MYO5B: variants seen among roughly 807,000 people sequenced by gnomAD.
MYO5B encodes the protein unconventional myosin-Vb.
MYO5B carries 143 observed loss-of-function variants against 229.3 expected under a neutral mutation model. The ratio of observed to expected loss-of-function variants is 0.62; its 90% CI spans 0.54 to 0.72. The LOEUF is 0.72. Ranked by LOEUF, MYO5B falls within the 30% of genes least tolerant of loss-of-function variation. The probability of loss-of-function intolerance (pLI) is 0.00; values close to 1 mark genes in which losing one functional copy is unlikely to be tolerated. For synonymous variants in MYO5B, 918 were observed against 885.2 expected (o/e 1.04, Z -0.66); for missense variants, 2,321 against 2,331.0 (o/e 1.00, Z 0.09).
At chr18:50,003,100 G>A (rs1023506308) in intron 4 of MYO5B, among the ~76,000 whole-genome samples, 31 of 152,116 alleles carry the variant, frequency 2.0e-4, no homozygotes, top group African/African-American at 5.1e-4. Context: ...GGTGGGAGCC[G>A]AAGGCAGAGT....
At chr18:50,094,507 T>G (rs1327421495) in intron 1 of MYO5B, among the ~76,000 whole-genome samples, 1 of 152,068 alleles carries the variant, frequency 6.6e-6, no homozygotes, top group Admixed American at 6.5e-5. Flanking sequence ...GATTTCATAA[T>G]GAAACACAGA....
chr18:49,963,140 C>A, intron 10 of MYO5B, 110 bp from the exon 11 acceptor site: 1 of 830,676 alleles, frequency 1.2e-6, no homozygotes, highest in Non-Finnish European at 2.1e-6. Flanking sequence ...CTACAGAATC[C>A]CCATTGTCTC....
chr18:49,984,685 G>A lies in MYO5B; in HGVS notation c.946+33C>T, dbSNP rs372168501. ...TCTACCCTCCGTGCCATCAGCCCTC[G>A]GGGCCTGCTTCCCCAACTAAGAAGC... On this transcript the variant is annotated intron_variant, in intron 8 of 39. Transcript: ENST00000285039. 1.0e-4 allele frequency: 156 copies of A among 1,523,458 alleles called. 1 individual carries two copies. The highest frequency in any genetic ancestry group is 4.2e-4 in the African/African-American group (31 of 73,012). The allele number at this position is 1,523,458 out of a possible 1,614,324, so 94.4% of individuals were successfully genotyped here. A position where few individuals can be genotyped will look rare whatever the true frequency, so the allele number is the denominator to read the frequency against.
chr18:49,978,881 T>C (rs553685807), intron 9 of MYO5B, among the ~76,000 whole-genome samples: 1 of 152,184 alleles, frequency 6.6e-6, no homozygotes, highest in African/African-American at 2.4e-5. Flanking sequence ...CTTTCCTGCC[T>C]CTTACCAGCC....
intron 4 of MYO5B, among the ~76,000 whole-genome samples, chr18:50,032,114 C>T (rs775202352): frequency 6.6e-6 from 1 of 152,212 alleles, no homozygotes; most frequent in Non-Finnish European, 1.5e-5. Context: ...GCCCAGAACA[C>T]CCCTGCAGAT....
At chr18:49,882,723 A>G (rs1568624991) in intron 22 of MYO5B, among the ~76,000 whole-genome samples, 1 of 151,720 alleles carries the variant, frequency 6.6e-6, no homozygotes, top group African/African-American at 2.4e-5. Flanking sequence ...GTCACTGCAT[A>G]GAGCAGTTGA....
chr18:50,133,976 G>A (rs185167336), intron 1 of MYO5B, among the ~76,000 whole-genome samples: 11 of 152,236 alleles, frequency 7.2e-5, no homozygotes, highest in African/African-American at 2.6e-4. Context: ...AGAAAAGATG[G>A]GGCAATGAAA....
chr18:49,977,464 C>T (rs1486006436), intron 9 of MYO5B, among the ~76,000 whole-genome samples: 3 of 151,882 alleles, frequency 2.0e-5, no homozygotes, highest in Non-Finnish European at 4.4e-5. Context: ...CCTATGTGCC[C>T]GAGGAATAAA....
At chr18:50,001,208 T>C (rs756139111) in intron 5 of MYO5B, 47 bp downstream of exon 5, 3 of 1,612,970 alleles carry the variant, frequency 1.9e-6, no homozygotes, top group South Asian at 2.2e-5. Flanking sequence ...TTGCTGCCAG[T>C]GGGAGGAGCT....
intron 22 of MYO5B, among the ~76,000 whole-genome samples, chr18:49,889,825 C>G (rs1355651225): frequency 6.6e-6 from 1 of 152,222 alleles, no homozygotes; most frequent in African/African-American, 2.4e-5. Context: ...AACCTATGAT[C>G]TAAAACCTGA....
At chr18:49,859,076 G>C (rs937005604) in intron 29 of MYO5B, among the ~76,000 whole-genome samples, 2 of 152,224 alleles carry the variant, frequency 1.3e-5, no homozygotes, top group Non-Finnish European at 2.9e-5. Flanking sequence ...TCAGTCTCCA[G>C]CCACAGGGGG....
chr18:50,128,889 G>A (rs940963831), intron 1 of MYO5B, among the ~76,000 whole-genome samples: 2 of 152,222 alleles, frequency 1.3e-5, no homozygotes, highest in Non-Finnish European at 2.9e-5. Flanking sequence ...TTGGTGTGAA[G>A]CCTCAGAATA....
chr18:49,927,834 G>A (rs1331001827), intron 17 of MYO5B, among the ~76,000 whole-genome samples: 2 of 152,118 alleles, frequency 1.3e-5, no homozygotes, highest in South Asian at 2.1e-4. Flanking sequence ...CATTGGCTTG[G>A]GCAACGACTT....
At chr18:49,994,478 A>G (rs1286918830) in intron 5 of MYO5B, among the ~76,000 whole-genome samples, 2 of 152,246 alleles carry the variant, frequency 1.3e-5, no homozygotes, top group Admixed American at 6.5e-5. Flanking sequence ...AAAGCAATCT[A>G]TATGTTACAG....
chr18:49,911,033 T>C (rs2024951878), intron 18 of MYO5B, among the ~76,000 whole-genome samples: 2 of 152,204 alleles, frequency 1.3e-5, no homozygotes, highest in African/African-American at 4.8e-5. Flanking sequence ...TTCAAATTGT[T>C]TCAATTAAAA....
intron 1 of MYO5B, among the ~76,000 whole-genome samples, chr18:50,194,526 T>C (rs2033272569): frequency 6.6e-6 from 1 of 152,116 alleles, no homozygotes; most frequent in South Asian, 2.1e-4. Flanking sequence ...TGCTGAGCCG[T>C]GGCGCTGCGG....
chr18:49,836,953 G>T, intron 37 of MYO5B, 68 bp from the exon 38 acceptor site: 1 of 1,522,650 alleles, frequency 6.6e-7, no homozygotes, highest in Non-Finnish European at 9.0e-7. Context: ...GGGGACACCT[G>T]TTGTGTTTTG....
At chr18:49,854,012 T>C (rs1444166223) in intron 30 of MYO5B, among the ~76,000 whole-genome samples, 4 of 152,204 alleles carry the variant, frequency 2.6e-5, no homozygotes, top group African/African-American at 9.6e-5. Context: ...AATAAAAACA[T>C]CTACATCTGC....
rs191209379 is a variant in MYO5B at position 50,140,623 on chromosome 18, T to C, written c.27+54144A>G. Among the ~76,000 whole-genome samples, 464 of 152,304 alleles carry C rather than the reference T, an allele frequency of 3.0e-3. 11 individuals are homozygous for C. Among genetic ancestry groups the C allele is most frequent in the Admixed American group, 0.028 (429 of 15,292 alleles). On this transcript the variant is annotated intron_variant, in intron 1 of 39. Coordinates refer to ENST00000285039, the MANE Select transcript of MYO5B (RefSeq NM_001080467.3). The stretch of plus-strand genomic sequence containing the variant: ...AAGAGGCAAACAGCCTCCAAAGGAA[T>C]GAAAACCAATTCTTTCCATTCAGCA...
Sources: allele counts gnomAD v4.1 joint callset (sites outside exome capture counted in the v4.1 genomes callset), GRCh38; gene constraint gnomAD v4.1.1; transcripts MANE v1.5; gene names NCBI Gene and HGNC (gene_info 2026-07-23, HGNC 2026-07-21).